CCDC141: variants seen among roughly 807,000 people sequenced by gnomAD.
The protein encoded by CCDC141 is coiled-coil domain-containing protein 141.
Under a neutral mutation model 181.0 loss-of-function variants are expected in CCDC141, and 168 were observed. The observed-to-expected ratio is 0.93, with a 90% CI of 0.82 to 1.05. The LOEUF (loss-of-function observed/expected upper bound fraction) is 1.05. Ranked by LOEUF, CCDC141 falls within the 50% of genes least tolerant of loss-of-function variation. CCDC141 has a pLI of 0.00. For missense variants in CCDC141, 1,902 were observed against 1,788.5 expected (o/e 1.06, Z -1.14); for synonymous variants, 666 against 642.3 (o/e 1.04, Z -0.56).
intron 6 of CCDC141, among the ~76,000 whole-genome samples, chr2:178,939,719 G>T (rs1244611731): frequency 6.6e-6 from 1 of 152,020 alleles, no homozygotes; most frequent in Non-Finnish European, 1.5e-5. Flanking sequence ...TCTAATCACT[G>T]GGAGGTCGTC....
At chr2:179,022,532 C>T (rs1338320020) in intron 2 of CCDC141, among the ~76,000 whole-genome samples, 2 of 152,282 alleles carry the variant, frequency 1.3e-5, no homozygotes, top group African/African-American at 4.8e-5. Flanking sequence ...ATTCCCACAA[C>T]CTTGTATTAA....
At position 178,887,635 on chromosome 2, in the gene CCDC141, A is replaced by G. The variant is rs375252143; in HGVS notation, c.1408-764T>C. Among the ~76,000 whole-genome samples, 3 of 152,206 alleles carry G rather than the reference A, an allele frequency of 2.0e-5. No homozygotes were observed. The East Asian group carries it at 5.8e-4, about 29-fold the overall frequency. On this transcript the variant is annotated intron_variant, in intron 9 of 23. Coordinates refer to ENST00000443758, the MANE Select transcript of CCDC141 (RefSeq NM_173648.4). ...GCACCACAGCTGCCACCATATTTGGAAACTCCCTAAACCCAGGCACCAGAA... is the reference window on the plus strand; with the variant it reads ...GCACCACAGCTGCCACCATATTTGGGAACTCCCTAAACCCAGGCACCAGAA...
intron 2 of CCDC141, among the ~76,000 whole-genome samples, chr2:179,007,910 C>A (rs889372374): frequency 1.3e-5 from 2 of 152,180 alleles, no homozygotes; most frequent in African/African-American, 4.8e-5. Context: ...GATTATCTAT[C>A]ACAATCACGC....
chr2:178,868,071 C>T lies in CCDC141; in HGVS notation c.2529G>A (p.Leu843=), dbSNP rs750402755. ...TGATGTCGACTCCTAAGGAAAGGGCCAGTCTGTGGAGATGGTCTACACGGG... is the reference window on the plus strand; with the variant it reads ...TGATGTCGACTCCTAAGGAAAGGGCTAGTCTGTGGAGATGGTCTACACGGG... ...KQARVDHLHR[L]ALSLGVDIIS... Residue 843 remains leucine (L), a synonymous_variant, in exon 16 of 24, where the codon CTG becomes CTA. Transcript: ENST00000443758. 1.2e-6 allele frequency: 2 copies of T among 1,613,994 alleles called. No individual in the cohort carries two copies. Among genetic ancestry groups the T allele is most frequent in the East Asian group, 2.2e-5 (1 of 44,868 alleles).
intron 17 of CCDC141, among the ~76,000 whole-genome samples, chr2:178,857,113 T>A (rs1353742409): frequency 6.6e-6 from 1 of 152,228 alleles, no homozygotes; most frequent in East Asian, 1.9e-4. Flanking sequence ...TTATTTGATA[T>A]CTTTTTTCCC....
chr2:178,834,549 G>A, intron 23 of CCDC141, 109 bp from the exon 24 acceptor site: 1 of 1,214,040 alleles, frequency 8.2e-7, no homozygotes, highest in Non-Finnish European at 1.1e-6. Flanking sequence ...TATTCTCTTA[G>A]GATTAGTAGG....
intron 8 of CCDC141, 75 bp downstream of exon 8, chr2:178,905,254 T>G: frequency 7.8e-7 from 1 of 1,284,588 alleles, no homozygotes; most frequent in Non-Finnish European, 1.1e-6. Context: ...AAGACAATCA[T>G]GCATCTTATT....
chr2:178,818,231 CAAA>C, the CCDC141 span, among the ~76,000 whole-genome samples: 5 of 152,116 alleles, frequency 3.3e-5, no homozygotes, highest in African/African-American at 1.2e-4. Flanking sequence ...ACTGAAAAAC[CAAA>C]AGCAAAAGTA....
chr2:178,926,031 T>C (rs1002393874), intron 6 of CCDC141, among the ~76,000 whole-genome samples: 3 of 152,202 alleles, frequency 2.0e-5, no homozygotes, highest in African/African-American at 7.2e-5. Flanking sequence ...TATAGACTTT[T>C]TTAAAAAGGC....
At chr2:178,939,108 G>C (rs1484156457) in intron 6 of CCDC141, among the ~76,000 whole-genome samples, 1 of 152,128 alleles carries the variant, frequency 6.6e-6, no homozygotes, top group Non-Finnish European at 1.5e-5. Flanking sequence ...TCCAGCAAAG[G>C]CTGCTAGGTC....
chr2:179,049,893 TGAC>T lies in CCDC141; in HGVS notation c.46_48del (p.Val16del). On this transcript the variant is annotated inframe_deletion, in exon 1 of 24. Coordinates refer to ENST00000443758, the MANE Select transcript of CCDC141 (RefSeq NM_173648.4). ...TCCCCAGCCTGCACAGCAACTGAAC[TGAC>T]TGTCGTCGTAGAAAGCGCAACACTA... The T allele has an allele frequency of 6.4e-7, 1 of 1,550,836 alleles. No individual in the cohort carries two copies.
At chr2:178,896,111 C>T (rs933530335) in intron 8 of CCDC141, among the ~76,000 whole-genome samples, 9 of 152,138 alleles carry the variant, frequency 5.9e-5, no homozygotes, top group Non-Finnish European at 8.8e-5. Flanking sequence ...ATGAGATAGA[C>T]GTGACAAACA....
At chr2:178,939,814 G>A (rs1162925570) in intron 6 of CCDC141, among the ~76,000 whole-genome samples, 2 of 152,114 alleles carry the variant, frequency 1.3e-5, no homozygotes, top group African/African-American at 2.4e-5. Flanking sequence ...TGTAGCAAAA[G>A]AAGTCAACTG....
At chr2:178,968,007 T>C (rs550929518) in intron 4 of CCDC141, among the ~76,000 whole-genome samples, 1 of 152,128 alleles carries the variant, frequency 6.6e-6, no homozygotes, top group South Asian at 2.1e-4. Flanking sequence ...TACATAATGG[T>C]AAAGGGACCA....
intron 11 of CCDC141, among the ~76,000 whole-genome samples, chr2:178,882,958 G>C (rs2154370288): frequency 6.6e-6 from 1 of 152,234 alleles, no homozygotes; most frequent in African/African-American, 2.4e-5. Flanking sequence ...AATGTACGGG[G>C]AGCATTGCCA....
intron 22 of CCDC141, among the ~76,000 whole-genome samples, chr2:178,844,194 G>A (rs1684840739): frequency 6.6e-6 from 1 of 152,152 alleles, no homozygotes; most frequent in African/African-American, 2.4e-5. Context: ...AGGAAATTGT[G>A]CAGAACTAAA....
At chr2:178,921,590 A>C (rs907621128) in intron 6 of CCDC141, among the ~76,000 whole-genome samples, 1 of 152,016 alleles carries the variant, frequency 6.6e-6, no homozygotes, top group South Asian at 2.1e-4. Flanking sequence ...ACTTCTTGGC[A>C]TCTTTAATGT....
intron 6 of CCDC141, among the ~76,000 whole-genome samples, chr2:178,922,050 A>C (rs1307116766): frequency 6.6e-6 from 1 of 152,230 alleles, no homozygotes; most frequent in African/African-American, 2.4e-5. Context: ...CTAGAAAAAC[A>C]GGGGCAAGGA....
At chr2:178,857,170 T>TA (rs1685424205) in intron 17 of CCDC141, among the ~76,000 whole-genome samples, 1 of 152,178 alleles carries the variant, frequency 6.6e-6, no homozygotes, top group South Asian at 2.1e-4. Flanking sequence ...GATCTCTCTA[T>TA]CTTTTAATAC....
Sources: gnomAD v4.1 joint callset for allele counts (sites outside exome capture counted in the v4.1 genomes callset) on GRCh38, gnomAD v4.1.1 for gene constraint, MANE v1.5 for transcripts, NCBI Gene and HGNC (gene_info 2026-07-23, HGNC 2026-07-21) for gene names.